The following LINGO2 variants were observed in gnomAD, a reference collection of about 807,000 sequenced individuals.
LINGO2 encodes the protein leucine rich repeat and Ig domain containing 2.
A neutral mutation model predicts 30.6 loss-of-function variants in LINGO2; 14 were observed. The observed-to-expected ratio is 0.46, with a 90% CI of 0.30 to 0.72. LINGO2 has a LOEUF of 0.72. Among genes scored for constraint, LINGO2 ranks in the 30% least tolerant of loss-of-function variants. LINGO2 has a pLI of 0.07. For missense variants in LINGO2, 729 were observed against 751.7 expected (o/e 0.97, Z 0.35); for synonymous variants, 317 against 288.5 (o/e 1.10, Z -1.00).
At chr9:28,807,213 C>T in the LINGO2 span, among the ~76,000 whole-genome samples, 448 of 151,834 alleles carry the variant, frequency 3.0e-3, 2 homozygotes, top group African/African-American at 0.01. Flanking sequence ...TTAGTAGAGA[C>T]GGGGTTTCAC....
intron 4 of LINGO2, among the ~76,000 whole-genome samples, chr9:28,252,885 T>C (rs1046655889): frequency 6.6e-6 from 1 of 152,044 alleles, no homozygotes; most frequent in Non-Finnish European, 1.5e-5. Context: ...ATATTGTAGA[T>C]TGGCCATTAA....
At chr9:28,429,201 C>T (rs1012709240) in intron 2 of LINGO2, among the ~76,000 whole-genome samples, 4 of 152,162 alleles carry the variant, frequency 2.6e-5, no homozygotes, top group Non-Finnish European at 4.4e-5. Flanking sequence ...CTGCTATTAT[C>T]CTGCCCCAGC....
At chr9:29,002,209 T>C in the LINGO2 span, among the ~76,000 whole-genome samples, 1 of 152,074 alleles carries the variant, frequency 6.6e-6, no homozygotes, top group African/African-American at 2.4e-5. Context: ...TCATTACTGC[T>C]TAATCCTTAA....
the LINGO2 span, among the ~76,000 whole-genome samples, chr9:28,852,773 A>G: frequency 6.6e-6 from 1 of 152,084 alleles, no homozygotes; most frequent in African/African-American, 2.4e-5. Context: ...ATAAAAAGTG[A>G]TACATTTCAA....
the LINGO2 span, among the ~76,000 whole-genome samples, chr9:29,053,315 T>G: frequency 8.5e-5 from 13 of 152,150 alleles, no homozygotes; most frequent in African/African-American, 2.9e-4. Context: ...TATGGATAGT[T>G]TCTGTTTGAA....
chr9:28,313,997 G>A (rs937064018), intron 3 of LINGO2, among the ~76,000 whole-genome samples: 4 of 152,016 alleles, frequency 2.6e-5, no homozygotes, highest in Middle Eastern at 3.4e-3. Context: ...GCAGTGGCGC[G>A]ATCTTGGCTC....
At chr9:28,732,907 A>G in the LINGO2 span, among the ~76,000 whole-genome samples, 1 of 152,166 alleles carries the variant, frequency 6.6e-6, no homozygotes, top group African/African-American at 2.4e-5. Context: ...GCCTGATGCT[A>G]TTTTGGAGAG....
intron 1 of LINGO2, among the ~76,000 whole-genome samples, chr9:28,606,230 T>C (rs1825689015): frequency 6.6e-6 from 1 of 151,902 alleles, no homozygotes; most frequent in Non-Finnish European, 1.5e-5. Flanking sequence ...GGCCCCTTGA[T>C]TTCAGGATTT....
the LINGO2 span, among the ~76,000 whole-genome samples, chr9:29,209,970 T>C: frequency 3.3e-5 from 5 of 152,274 alleles, no homozygotes; most frequent in Non-Finnish European, 5.9e-5. Flanking sequence ...CAGGAAAACA[T>C]TTCCACCTAG....
intron 4 of LINGO2, among the ~76,000 whole-genome samples, chr9:28,281,532 A>G (rs1360201410): frequency 2.0e-5 from 3 of 152,066 alleles, no homozygotes; most frequent in Non-Finnish European, 4.4e-5. Context: ...GGTACTAGGC[A>G]TTTAAAAAAC....
the LINGO2 span, among the ~76,000 whole-genome samples, chr9:28,811,971 T>G: frequency 1.7e-3 from 259 of 152,270 alleles, 3 homozygotes; most frequent in African/African-American, 6.1e-3. Context: ...ATTGAATAAG[T>G]AAACTCTATT....
intron 4 of LINGO2, among the ~76,000 whole-genome samples, chr9:28,144,669 T>C (rs578163781): frequency 1.3e-5 from 2 of 152,332 alleles, no homozygotes; most frequent in East Asian, 3.9e-4. Flanking sequence ...TGCTGAGTGC[T>C]GGAAGATGGG....
intron 4 of LINGO2, among the ~76,000 whole-genome samples, chr9:28,111,811 C>G (rs1196111037): frequency 1.3e-5 from 2 of 152,196 alleles, no homozygotes; most frequent in East Asian, 3.9e-4. Context: ...TAGAGTCACA[C>G]AGGGGAGAGT....
chr9:29,027,295 T>C, the LINGO2 span, among the ~76,000 whole-genome samples: 1 of 152,194 alleles, frequency 6.6e-6, no homozygotes, highest in Admixed American at 6.6e-5. Context: ...AATTATAACC[T>C]TTGAATCTGT....
chr9:28,265,684 T>G (rs1044160713), intron 4 of LINGO2, among the ~76,000 whole-genome samples: 11 of 152,006 alleles, frequency 7.2e-5, no homozygotes, highest in Non-Finnish European at 2.9e-5. Context: ...TGTTACAAAC[T>G]GGTGATTCTG....
At chr9:28,820,055 G>A in the LINGO2 span, among the ~76,000 whole-genome samples, 63 of 152,198 alleles carry the variant, frequency 4.1e-4, 1 homozygote, top group African/African-American at 1.5e-3. Flanking sequence ...TATGTACAGG[G>A]ACCATGTTGA....
chr9:28,475,386 CTG>C (rs1825689094), intron 2 of LINGO2, among the ~76,000 whole-genome samples: 1 of 152,068 alleles, frequency 6.6e-6, no homozygotes, highest in Non-Finnish European at 1.5e-5. Context: ...CACAAAATAA[CTG>C]TCTCAGGGAG....
chr9:28,054,064 C>CAAAAAAAAAAAAAAAAA (rs11461978), intron 4 of LINGO2, among the ~76,000 whole-genome samples: 13 of 149,184 alleles, frequency 8.7e-5, no homozygotes, highest in African/African-American at 3.2e-4. Context: ...AGCTAGCAGA[C>CAAAAAAAAAAAAAAAAA]AAAAAAAAAG....
In LINGO2 at chr9:28,174,921, T is replaced by TGTGAGAGAGA. The variant is rs962695032; in HGVS notation, c.-87+120286_-87+120287insTCTCTCTCAC. On this transcript the variant is annotated intron_variant, in intron 4 of 5. Transcript: ENST00000379992. ...CTCTGTGTGTGTGTGTGTGTGTGTGTGAGAGAGAGAGAGAGAGAGAGAGAG... is the reference window on the plus strand; with the variant it reads ...CTCTGTGTGTGTGTGTGTGTGTGTGTGTGAGAGAGAGAGAGAGAGAGAGAGAGAGAGAGAG... Among the ~76,000 whole-genome samples, 762 of 133,370 alleles carry TGTGAGAGAGA rather than the reference T, an allele frequency of 5.7e-3. 9 individuals carry two copies. The highest frequency in any genetic ancestry group is 0.02 in the African/African-American group (714 of 35,430). The allele number at this position is 133,370 out of a possible 152,430, so 87.5% of individuals were successfully genotyped here. A position where few individuals can be genotyped will look rare whatever the true frequency, so the allele number is the denominator to read the frequency against.
Sources: allele counts gnomAD v4.1 joint callset (sites outside exome capture counted in the v4.1 genomes callset), GRCh38; gene constraint gnomAD v4.1.1; transcripts MANE v1.5; gene names NCBI Gene and HGNC (gene_info 2026-07-23, HGNC 2026-07-21).